Variants in PCA3 observed in about 807,000 individuals in gnomAD.
The protein encoded by PCA3 is Differential Display code 3.
rs2053670980 is a variant in PCA3 at position 76,775,819 on chromosome 9, C to T, written n.853-32764C>T. Among the ~76,000 whole-genome samples, 6 of 152,250 alleles carry T rather than the reference C, an allele frequency of 3.9e-5. No individual in the cohort carries two copies. In the South Asian group the frequency reaches 1.2e-3, roughly 31 times the overall value. ...TCACCCGGCCTTCATGCCGGCTATG[C>T]AGGCCCATTTCTAACACATCCTTCT... On this transcript the variant is annotated intron_variant and non_coding_transcript_variant, in intron 2 of 5. Transcript: ENST00000644657.
chr9:76,768,393 A>T (rs943356760), intron 2 of PCA3, among the ~76,000 whole-genome samples: 3 of 152,008 alleles, frequency 2.0e-5, no homozygotes, highest in Non-Finnish European at 4.4e-5. Flanking sequence ...GGGGTTCACC[A>T]TGTTGGCCAA....
chr9:76,780,498 T>A (rs1302235219), intron 2 of PCA3, among the ~76,000 whole-genome samples: 1 of 151,938 alleles, frequency 6.6e-6, no homozygotes, highest in African/African-American at 2.4e-5. Context: ...CCATCCTGGC[T>A]AACACAGTGA....
intron 2 of PCA3, among the ~76,000 whole-genome samples, chr9:76,777,469 G>A (rs115620044): frequency 0.011 from 1,741 of 152,290 alleles, 31 homozygotes; most frequent in African/African-American, 0.039. Context: ...ACTCCATACA[G>A]TTTGCTGGCT....
intron 2 of PCA3, among the ~76,000 whole-genome samples, chr9:76,777,675 T>C (rs940487822): frequency 6.6e-6 from 1 of 152,170 alleles, no homozygotes; most frequent in South Asian, 2.1e-4. Context: ...AATACATATA[T>C]AAACAAGTAG....
chr9:76,770,693 A>G (rs182679591), intron 2 of PCA3, among the ~76,000 whole-genome samples: 8 of 152,316 alleles, frequency 5.3e-5, no homozygotes, highest in Admixed American at 2.6e-4. Context: ...TTAAATGCTG[A>G]TATGATATTT....
intron 2 of PCA3, among the ~76,000 whole-genome samples, chr9:76,780,964 T>G (rs1005853730): frequency 6.6e-6 from 1 of 152,196 alleles, no homozygotes; most frequent in African/African-American, 2.4e-5. Context: ...CAAGTTTTTA[T>G]GCTACGTACC....
intron 2 of PCA3, among the ~76,000 whole-genome samples, chr9:76,776,735 G>A (rs866376784): frequency 3.4e-4 from 51 of 150,836 alleles, no homozygotes; most frequent in African/African-American, 1.1e-3. Context: ...GGCTGATCTC[G>A]AACTCCTAAC....
intron 2 of PCA3, among the ~76,000 whole-genome samples, chr9:76,776,893 TACACACACACACACACACACACACACAC>T (rs541232508): frequency 8.6e-6 from 1 of 115,616 alleles, no homozygotes; most frequent in Non-Finnish European, 1.7e-5. Context: ...CCAAAACACA[TACACACACACACACACACACACACACAC>T]ACACACACAC....
chr9:76,770,157 A>AT (rs1390734054), intron 2 of PCA3, among the ~76,000 whole-genome samples: 1 of 152,204 alleles, frequency 6.6e-6, no homozygotes. Flanking sequence ...ATTTTACTAT[A>AT]ACATTTATAG....
chr9:76,765,053 A>T (rs2052185093), intron 2 of PCA3, among the ~76,000 whole-genome samples: 1 of 152,200 alleles, frequency 6.6e-6, no homozygotes, highest in Non-Finnish European at 1.5e-5. Flanking sequence ...AAATGGAGAT[A>T]TCAAGCAGGC....
chr9:76,771,508 A>G (rs1389937700), intron 2 of PCA3, among the ~76,000 whole-genome samples: 1 of 152,226 alleles, frequency 6.6e-6, no homozygotes, highest in African/African-American at 2.4e-5. Context: ...GAAGGCAGGT[A>G]CAATGAGGAA....
chr9:76,773,436 ATC>A (rs2053336986), intron 2 of PCA3, among the ~76,000 whole-genome samples: 1 of 138,310 alleles, frequency 7.2e-6, no homozygotes, highest in African/African-American at 2.8e-5. Context: ...ACACTAGTAC[ATC>A]TTTTTTTTTT....
At chr9:76,775,440 G>T (rs2053630096) in intron 2 of PCA3, among the ~76,000 whole-genome samples, 1 of 151,652 alleles carries the variant, frequency 6.6e-6, no homozygotes, top group South Asian at 2.1e-4. Flanking sequence ...GGGACTACAG[G>T]CATGCACTAC....
At chr9:76,768,136 C>A (rs918243885) in intron 2 of PCA3, among the ~76,000 whole-genome samples, 4 of 152,138 alleles carry the variant, frequency 2.6e-5, no homozygotes, top group Non-Finnish European at 5.9e-5. Flanking sequence ...AAGTCTAATT[C>A]CCCTCCCCAG....
chr9:76,782,653 G>A (rs2054543927), intron 2 of PCA3: 1 of 152,170 alleles, frequency 6.6e-6, no homozygotes, highest in Admixed American at 6.5e-5. Context: ...GGATAATACT[G>A]TTCTATGTCC....
chr9:76,777,075 C>T (rs987804443), intron 2 of PCA3, among the ~76,000 whole-genome samples: 3 of 152,002 alleles, frequency 2.0e-5, no homozygotes, highest in Admixed American at 1.3e-4. Flanking sequence ...GCCCTTCTTT[C>T]TCCCCTGCCC....
At chr9:76,774,457 T>TATTTATTTATTTATTTATTTTA (rs756648285) in intron 2 of PCA3, among the ~76,000 whole-genome samples, 2 of 73,556 alleles carry the variant, frequency 2.7e-5, no homozygotes, top group Admixed American at 2.5e-4. Flanking sequence ...ACCCTTTTTT[T>TATTTATTTATTTATTTATTTTA]TTTTTTTTTT....
chr9:76,767,319 C>T (rs2052518319), intron 2 of PCA3, among the ~76,000 whole-genome samples: 1 of 151,976 alleles, frequency 6.6e-6, no homozygotes, highest in African/African-American at 2.4e-5. Flanking sequence ...GGCATGGTGG[C>T]ACACGCCTGT....
At chr9:76,768,333 C>T (rs1438727117) in intron 2 of PCA3, among the ~76,000 whole-genome samples, 3 of 152,172 alleles carry the variant, frequency 2.0e-5, no homozygotes, top group Non-Finnish European at 4.4e-5. Context: ...GCTGGGATTA[C>T]AGGCCTGCGC....
Sources: allele counts gnomAD v4.1 joint callset (sites outside exome capture counted in the v4.1 genomes callset), GRCh38; gene constraint gnomAD v4.1.1; transcripts MANE v1.5; gene names NCBI Gene and HGNC (gene_info 2026-07-23, HGNC 2026-07-21).